The following ZNF623 variants were observed in gnomAD, a reference collection of about 807,000 sequenced individuals.
The protein encoded by ZNF623 is zinc finger protein 623.
ZNF623 carries 16 observed loss-of-function variants against 24.0 expected under a neutral mutation model. That is an observed-to-expected ratio of 0.67 (90% CI 0.45 to 1.01). ZNF623 has a LOEUF of 1.01. Among genes scored for constraint, ZNF623 ranks in the 50% least tolerant of loss-of-function variants. The pLI, the probability that ZNF623 is intolerant of heterozygous loss-of-function variation, is 0.00. For synonymous variants in ZNF623, 224 were observed against 219.8 expected, an observed-to-expected ratio of 1.02 and a Z score of -0.17; for missense variants, 566 against 606.5, an observed-to-expected ratio of 0.93 and a Z score of 0.70.
chr8:143,650,972 G>T lies in ZNF623; in HGVS notation c.980G>T (p.Arg327Ile). The T allele has an allele frequency of 6.2e-7, 1 of 1,614,112 alleles. No individual in the cohort carries two copies. Among genetic ancestry groups the T allele is most frequent in the Non-Finnish European group, 8.5e-7 (1 of 1,180,032 alleles). ...ACGTCAAACTTCACCCAGCATCAGA[G>T]AATTCACACTGGAGAGAAACTCTAT... ...SQTSNFTQHQ[R>I]IHTGEKLYEC... Residue 327 changes from arginine to isoleucine, a missense_variant, in exon 2 of 2, where the codon AGA (arginine) becomes ATA (isoleucine). Physicochemically the swap from Arg to Ile is moderately conservative, Grantham distance 97 (BLOSUM62 -3). Coordinates refer to ENST00000526926, the MANE Select transcript of ZNF623 (RefSeq NM_001261843.2). The surrounding 1 kb of genome is among the most constrained non-coding windows in gnomAD (Gnocchi z 5.2).
At chr8:143,640,459 G>A (rs1815024083) in intron 1 of ZNF623, among the ~76,000 whole-genome samples, 1 of 152,166 alleles carries the variant, frequency 6.6e-6, no homozygotes, top group African/African-American at 2.4e-5. Context: ...AAAGCTGTTC[G>A]CTAGTATTTT....
Position 143,650,280 on chromosome 8 carries a change from G to C in ZNF623, c.288G>C (p.Ser96=), listed in dbSNP as rs3750204. The change falls in exon 2 of 2, where the codon TCG becomes TCC. Residue 96 remains serine, a synonymous_variant. Coordinates refer to ENST00000526926, the MANE Select transcript of ZNF623 (RefSeq NM_001261843.2). This position sits in a 1 kb window ranked among gnomAD's most constrained non-coding sequence, Gnocchi z 5.2. ...DICGKTFTFN[S]DLVRHRISHA... is the part of the protein sequence containing the mutation. ...GTGGCAAAACCTTCACGTTTAATTCGGACCTAGTTAGGCATCGGATTTCGC... is the reference window on the plus strand; with the variant it reads ...GTGGCAAAACCTTCACGTTTAATTCCGACCTAGTTAGGCATCGGATTTCGC... 6.2e-7 allele frequency: 1 copy of C among 1,614,046 alleles called. No individual in the cohort carries two copies. Among genetic ancestry groups the C allele is most frequent in the South Asian group, 1.1e-5 (1 of 91,080 alleles).
chr8:143,650,060 C>T lies in ZNF623; in HGVS notation c.68C>T (p.Pro23Leu). The change falls in exon 2 of 2, where the codon CCA (proline) becomes CTA (leucine). Residue 23 changes from proline to leucine, a missense_variant. Pro to Leu is a moderately conservative substitution (Grantham distance 98). Transcript: ENST00000526926. The surrounding 1 kb of genome is among the most constrained non-coding windows in gnomAD (Gnocchi z 5.2). ...EPRLGELLGNPEGQSLGSSPS... is the reference protein window; with the variant it reads ...EPRLGELLGNLEGQSLGSSPS... ...AGATTAGGGGAGCTCTTGGGAAATCCAGAAGGTCAGAGCCTGGGGAGTTCC... is the reference window on the plus strand; with the variant it reads ...AGATTAGGGGAGCTCTTGGGAAATCTAGAAGGTCAGAGCCTGGGGAGTTCC... The T allele has an allele frequency of 6.2e-7, 1 of 1,614,048 alleles. No homozygotes were observed. Among genetic ancestry groups the T allele is most frequent in the Non-Finnish European group, 8.5e-7 (1 of 1,179,976 alleles).
intron 1 of ZNF623, among the ~76,000 whole-genome samples, chr8:143,645,310 C>T (rs535685231): frequency 1.4e-4 from 21 of 151,662 alleles, no homozygotes; most frequent in South Asian, 1.2e-3. Flanking sequence ...GGCATGGTGG[C>T]GGGCGCCTGT....
Position 143,640,871 on chromosome 8 carries a change from G to A in ZNF623, c.-96+4726G>A, listed in dbSNP as rs139361560. Among the ~76,000 whole-genome samples the A allele has an allele frequency of 4.9e-3, 732 of 150,362 alleles. 4 individuals are homozygous for A. The highest frequency in any genetic ancestry group is 7.7e-3 in the Non-Finnish European group (523 of 67,782). On this transcript the variant is annotated intron_variant, in intron 1 of 1. Coordinates refer to ENST00000526926, the MANE Select transcript of ZNF623 (RefSeq NM_001261843.2). Reference sequence around the variant, plus strand: ...CAGGAGAATTGCTTGAACCCGGGAGGTGGAGGTTGCAGTGAGCCGAGATTG... The same window carrying A: ...CAGGAGAATTGCTTGAACCCGGGAGATGGAGGTTGCAGTGAGCCGAGATTG...
At position 143,650,863 on chromosome 8, in the gene ZNF623, A is replaced by C; in HGVS notation, c.871A>C (p.Ser291Arg). 5 of 1,614,194 alleles carry C rather than the reference A, an allele frequency of 3.1e-6. No homozygotes were observed. The highest frequency in any genetic ancestry group is 4.2e-6 in the Non-Finnish European group (5 of 1,180,042). ...TGAGTGTGGGAAAGCCTTTATTCGG[A>C]GTTCAAAGCTCATTCAGCATCAGAG... ...CNECGKAFIR[S>R]SKLIQHQRIH... The change falls in exon 2 of 2, where the codon AGT becomes CGT. Residue 291 changes from serine to arginine, a missense_variant. Physicochemically the swap from Ser to Arg is moderately radical, Grantham distance 110 (BLOSUM62 -1). Transcript: ENST00000526926. This position sits in a 1 kb window ranked among gnomAD's most constrained non-coding sequence, Gnocchi z 5.2.
Position 143,651,222 on chromosome 8 carries a change from G to C in ZNF623, c.1230G>C (p.Gln410His). 6.2e-7 allele frequency: 1 copy of C among 1,614,218 alleles called. No individual in the cohort carries two copies. Residue 410 changes from glutamine to histidine, a missense_variant, in exon 2 of 2, where the codon CAG (glutamine) becomes CAC (histidine). Transcript: ENST00000526926. ...AGAGCTCCAAGCTGCTTCTGCACCA[G>C]ATTATTCACACTGGAGAAAAGCCCT... ...FIQSSKLLLH[Q>H]IIHTGEKPYV...
chr8:143,643,616 G>A (rs1158935990), intron 1 of ZNF623, among the ~76,000 whole-genome samples: 1 of 152,232 alleles, frequency 6.6e-6, no homozygotes. Context: ...GCACCTGTGT[G>A]ACTCAGGGCA....
Position 143,649,897 on chromosome 8 carries a change from G to T in ZNF623, c.-95-1G>T, listed in dbSNP as rs757663460. The T allele has an allele frequency of 5.0e-6, 8 of 1,602,658 alleles. No individual in the cohort carries two copies. The highest frequency in any genetic ancestry group is 6.8e-6 in the Non-Finnish European group (8 of 1,172,080). ...GATGATTTTGTTGTCTTTTGTTTCA[G>T]ATTCTAATGTAGGAACTGGTGAGAA... On this transcript the variant is annotated splice_acceptor_variant, in intron 1 of 1. Transcript: ENST00000526926. LOFTEE classifies it low-confidence loss of function (5UTR_SPLICE).
In ZNF623 at chr8:143,651,980, G is replaced by A. The variant is rs1001084788; in HGVS notation, c.*497G>A. 1 of 168,302 alleles carries A rather than the reference G, an allele frequency of 5.9e-6. No homozygotes were observed. Among genetic ancestry groups the A allele is most frequent in the Non-Finnish European group, 1.5e-5 (1 of 68,948 alleles). The allele number at this position is 168,302 out of a possible 1,614,324, so 10.4% of individuals were successfully genotyped here. On this transcript the variant is annotated 3_prime_UTR_variant, in exon 2 of 2. Transcript: ENST00000526926. ...GTGCCCTAAGGCCTCCTGCGTCCTG[G>A]AGCCCTGCCTCCCACTGCCTGACTT...
At chr8:143,642,321 C>G (rs114876192) in intron 1 of ZNF623, among the ~76,000 whole-genome samples, 326 of 152,290 alleles carry the variant, frequency 2.1e-3, no homozygotes, top group African/African-American at 7.3e-3. Flanking sequence ...ACGGTTAGGA[C>G]CTTGCTGTGG....
At position 143,650,084 on chromosome 8, in the gene ZNF623, C is replaced by G; in HGVS notation, c.92C>G (p.Ser31Cys). The stretch of plus-strand genomic sequence containing the variant: ...CCAGAAGGTCAGAGCCTGGGGAGTT[C>G]CCCCTCTCAGGACAGGGGCTGCAAG... ...GNPEGQSLGS[S>C]PSQDRGCKQV... The change falls in exon 2 of 2, where the codon TCC becomes TGC. Residue 31 changes from serine to cysteine, a missense_variant. Ser to Cys is a moderately radical substitution (Grantham distance 112). Coordinates refer to ENST00000526926, the MANE Select transcript of ZNF623 (RefSeq NM_001261843.2). The surrounding 1 kb of genome is among the most constrained non-coding windows in gnomAD (Gnocchi z 5.2). The G allele has an allele frequency of 6.2e-7, 1 of 1,614,076 alleles. No individual in the cohort carries two copies. The highest frequency in any genetic ancestry group is 8.5e-7 in the Non-Finnish European group (1 of 1,180,014).
rs900454112 is a variant in ZNF623 at position 143,652,884 on chromosome 8, A to G, written c.*1401A>G. On this transcript the variant is annotated 3_prime_UTR_variant, in exon 2 of 2. Transcript: ENST00000526926. ...ATAGTCCTCAATGTTGGGAAAACAG[A>G]TGAGCAACCCACTACCCTGAAGTCA... 6.0e-6 allele frequency: 1 copy of G among 167,122 alleles called. No homozygotes were observed. The highest frequency in any genetic ancestry group is 2.4e-5 in the African/African-American group (1 of 41,470). 10.4% of individuals were successfully genotyped at this position (167,122 alleles called of 1,614,324 possible).
At chr8:143,644,651 AG>A (rs1265917781) in intron 1 of ZNF623, among the ~76,000 whole-genome samples, 2 of 152,080 alleles carry the variant, frequency 1.3e-5, no homozygotes, top group Non-Finnish European at 2.9e-5. Flanking sequence ...GCACTTTGGG[AG>A]GCCAAGGTGG....
chr8:143,651,411 C>T lies in ZNF623; in HGVS notation c.1419C>T (p.Leu473=). 6.2e-7 allele frequency: 1 copy of T among 1,613,526 alleles called. No individual in the cohort carries two copies. Among genetic ancestry groups the T allele is most frequent in the Middle Eastern group, 1.7e-4 (1 of 6,058 alleles). The change falls in exon 2 of 2, where the codon CTC becomes CTT. Residue 473 remains leucine, a synonymous_variant. Coordinates refer to ENST00000526926, the MANE Select transcript of ZNF623 (RefSeq NM_001261843.2). ...KNNQRVHQEG[L]SLSKAPIHLG... is the part of the protein sequence containing the mutation. The stretch of plus-strand genomic sequence containing the variant: ...ATCAAAGGGTTCACCAAGAGGGACT[C>T]TCCTTGAGTAAGGCCCCCATACATT...
At chr8:143,638,598 C>T (rs1334888016) in intron 1 of ZNF623, among the ~76,000 whole-genome samples, 4 of 151,246 alleles carry the variant, frequency 2.6e-5, no homozygotes, top group African/African-American at 7.3e-5. Flanking sequence ...ATTAGCCGGG[C>T]GTGGTGGCAG....
At chr8:143,646,098 A>G (rs1414398223) in intron 1 of ZNF623, among the ~76,000 whole-genome samples, 1 of 152,004 alleles carries the variant, frequency 6.6e-6, no homozygotes, top group Non-Finnish European at 1.5e-5. Context: ...TTGGAGTTCC[A>G]TGGCATAGTC....
chr8:143,646,790 A>T (rs956621291), intron 1 of ZNF623, among the ~76,000 whole-genome samples: 1 of 151,958 alleles, frequency 6.6e-6, no homozygotes, highest in Non-Finnish European at 1.5e-5. Flanking sequence ...TCAGTCTCCC[A>T]TGTAGTTGGA....
chr8:143,650,806 A>G lies in ZNF623; in HGVS notation c.814A>G (p.Ile272Val), dbSNP rs1483861680. The change falls in exon 2 of 2, where the codon ATT becomes GTT. Residue 272 changes from isoleucine to valine, a missense_variant. Physicochemically the swap from Ile to Val is conservative, Grantham distance 29. Transcript: ENST00000526926. This position sits in a 1 kb window ranked among gnomAD's most constrained non-coding sequence, Gnocchi z 5.2. Reference sequence around the variant, plus strand: ...CTCAGACCTTATTGAACACCAGAGAATTCACACCGGAGAGAGACCCTTTGA... The same window carrying G: ...CTCAGACCTTATTGAACACCAGAGAGTTCACACCGGAGAGAGACCCTTTGA... ...HRSDLIEHQRIHTGERPFECN... is the reference protein window; with the variant it reads ...HRSDLIEHQRVHTGERPFECN... 1 of 1,613,928 alleles carries G rather than the reference A, an allele frequency of 6.2e-7. No individual in the cohort carries two copies. The highest frequency in any genetic ancestry group is 1.7e-5 in the Admixed American group (1 of 59,998).
Sources: allele counts gnomAD v4.1 joint callset (sites outside exome capture counted in the v4.1 genomes callset), GRCh38; gene constraint gnomAD v4.1.1; non-coding constraint Gnocchi (gnomAD v3.1); transcripts MANE v1.5; gene names NCBI Gene and HGNC (gene_info 2026-07-23, HGNC 2026-07-21).